Variants in NHSL1 observed in about 807,000 individuals in gnomAD.
The protein encoded by NHSL1 is NHS like 1, also known as NHS-like protein 1.
A neutral mutation model predicts 95.0 loss-of-function variants in NHSL1; 48 were observed. The observed-to-expected ratio is 0.51, with a 90% CI of 0.40 to 0.64. The LOEUF (loss-of-function observed/expected upper bound fraction) is 0.64. Among genes scored for constraint, NHSL1 ranks in the 30% least tolerant of loss-of-function variants. The pLI is 0.00. For synonymous variants in NHSL1, 783 were observed against 833.9 expected (o/e 0.94, Z 1.05); for missense variants, 1,971 against 2,077.7 (o/e 0.95, Z 1.00).
exon 1 of NHSL1, chr6:138,571,991 T>G: frequency 8.8e-7 from 1 of 1,140,376 alleles, no homozygotes; most frequent in Admixed American, 2.3e-5. Flanking sequence ...CCAGGTCCTC[T>G]CCACGAGCCT....
intron 3 of NHSL1, among the ~76,000 whole-genome samples, chr6:138,448,827 C>T (rs553790825): frequency 8.5e-5 from 13 of 152,186 alleles, no homozygotes; most frequent in African/African-American, 2.9e-4. Flanking sequence ...CCGAGGTGGG[C>T]GGATCACCTG....
At chr6:138,578,809 C>A (rs182530418) in intron 1 of NHSL1, among the ~76,000 whole-genome samples, 1 of 152,186 alleles carries the variant, frequency 6.6e-6, no homozygotes, top group Non-Finnish European at 1.5e-5. Context: ...CCTAGAAGCG[C>A]CCAAGTGATG....
At chr6:138,576,282 G>A (rs1783970946), upstream of NHSL1, among the ~76,000 whole-genome samples, 1 of 151,938 alleles carries the variant, frequency 6.6e-6, no homozygotes, top group Admixed American at 6.6e-5. Context: ...ATGACCCACC[G>A]CTCCCCGCCT....
rs577963770 is a variant in NHSL1 at position 138,427,419 on chromosome 6, G to T, written c.4085+2292C>A. Among the ~76,000 whole-genome samples, 218 of 151,456 alleles carry T rather than the reference G, an allele frequency of 1.4e-3. 1 individual carries two copies. The highest frequency in any genetic ancestry group is 4.9e-3 in the African/African-American group (203 of 41,230). On this transcript the variant is annotated intron_variant, in intron 7 of 7. Coordinates refer to ENST00000343505, the MANE Select transcript of NHSL1 (RefSeq NM_001144060.2). ...CGCGCCACTGCACTCCAGCCTGGGT[G>T]ACAGAGTGAGTGAGACTCTGTATCA...
chr6:138,564,049 CA>C (rs998468412), intron 1 of NHSL1, among the ~76,000 whole-genome samples: 23 of 151,592 alleles, frequency 1.5e-4, no homozygotes, highest in African/African-American at 5.1e-4. Flanking sequence ...ACTAATTGGT[CA>C]AAACAGCCCT....
chr6:138,584,462 T>C (rs1048588008), intron 1 of NHSL1, among the ~76,000 whole-genome samples: 11 of 152,290 alleles, frequency 7.2e-5, no homozygotes, highest in African/African-American at 2.6e-4. Context: ...CCGACAGTCA[T>C]CAAAATCCAT....
In NHSL1 at chr6:138,423,112, A is replaced by AG. The variant is rs1253780747; in HGVS notation, c.*968_*969insC. The stretch of plus-strand genomic sequence containing the variant: ...CTCTGGTTAAAAAAAAAAAAAAAAA[A>AG]AAACTGTTGTAAAAGGAAAAGCTCC... On this transcript the variant is annotated 3_prime_UTR_variant, in exon 8 of 8. Transcript: ENST00000343505. 6.6e-6 allele frequency: 1 copy of AG among 151,692 alleles called. No individual in the cohort carries two copies. The highest frequency in any genetic ancestry group is 2.4e-5 in the African/African-American group (1 of 41,340). 9.4% of individuals were successfully genotyped at this position (151,692 alleles called of 1,614,324 possible).
chr6:138,520,915 G>A (rs895475888), intron 1 of NHSL1, among the ~76,000 whole-genome samples: 8 of 152,200 alleles, frequency 5.3e-5, no homozygotes, highest in Admixed American at 4.6e-4. Context: ...TTTGGAGGTA[G>A]ATCAGTGTGA....
Position 138,423,853 on chromosome 6 carries a change from G to C in NHSL1, c.*228C>G. On this transcript the variant is annotated 3_prime_UTR_variant, in exon 8 of 8. Coordinates refer to ENST00000343505, the MANE Select transcript of NHSL1 (RefSeq NM_001144060.2). ...AAAAAAAAAAAATCTTCCCCGGGAAGCACTTTCAGAAGTTTAAGCTTCTAC... is the reference window on the plus strand; with the variant it reads ...AAAAAAAAAAAATCTTCCCCGGGAACCACTTTCAGAAGTTTAAGCTTCTAC... The C allele has an allele frequency of 3.0e-6, 1 of 336,384 alleles. No individual in the cohort carries two copies. The highest frequency in any genetic ancestry group is 5.2e-6 in the Non-Finnish European group (1 of 191,912). 20.8% of individuals were successfully genotyped at this position (336,384 alleles called of 1,614,324 possible).
intron 1 of NHSL1, among the ~76,000 whole-genome samples, chr6:138,513,958 T>C (rs1361708504): frequency 6.6e-6 from 1 of 152,194 alleles, no homozygotes; most frequent in Non-Finnish European, 1.5e-5. Flanking sequence ...CAATTCATAT[T>C]ATTTTATTAA....
intron 1 of NHSL1, among the ~76,000 whole-genome samples, chr6:138,611,849 C>T (rs1231197212): frequency 2.0e-5 from 3 of 152,118 alleles, no homozygotes; most frequent in African/African-American, 7.2e-5. Flanking sequence ...GTGTTTCATG[C>T]CTGTAATCCC....
chr6:138,599,358 A>C (rs533995225), intron 1 of NHSL1, among the ~76,000 whole-genome samples: 1 of 152,238 alleles, frequency 6.6e-6, no homozygotes, highest in East Asian at 1.9e-4. Context: ...CTAAAAGTAC[A>C]GAAATTAGCT....
rs565240784 is a variant in NHSL1, at chr6:138,603,288, G to A, written c.96+89188C>T. 4.6e-5 allele frequency among the ~76,000 whole-genome samples: 7 copies of A among 151,966 alleles called. No homozygotes were observed. The East Asian group carries it at 7.7e-4, about 17-fold the overall frequency. ...TGGTCTTGAACTCCTGAGGTCAAGC[G>A]ATCCACCCATCTCAGTCTCCCAAAG... On this transcript the variant is annotated intron_variant, in intron 1 of 3. Coordinates refer to the NHSL1 transcript ENST00000491526.
At chr6:138,689,999 A>G (rs1785640975) in intron 1 of NHSL1, among the ~76,000 whole-genome samples, 1 of 152,188 alleles carries the variant, frequency 6.6e-6, no homozygotes, top group African/African-American at 2.4e-5. Flanking sequence ...CAGGCGAGAC[A>G]ATCAGAAGGT....
intron 3 of NHSL1, among the ~76,000 whole-genome samples, chr6:138,456,249 C>T (rs942803193): frequency 1.3e-5 from 2 of 152,130 alleles, no homozygotes; most frequent in Non-Finnish European, 2.9e-5. Flanking sequence ...GGAACCTGAA[C>T]CTCACAGACG....
At position 138,537,282 on chromosome 6, in the gene NHSL1, T is replaced by C. The variant is rs149002627; in HGVS notation, c.16+8341A>G. ...ATCAGGATACTCTCACTGGCTTACA[T>C]AGCTTTCAAAATATTTGTGTTGCTA... On this transcript the variant is annotated intron_variant, in intron 1 of 4. Transcript: ENST00000342260. 3.7e-3 allele frequency among the ~76,000 whole-genome samples: 563 copies of C among 152,348 alleles called. 5 individuals carry two copies. The highest frequency in any genetic ancestry group is 0.013 in the African/African-American group (526 of 41,576).
chr6:138,655,109 G>C (rs923436972), intron 1 of NHSL1, among the ~76,000 whole-genome samples: 10 of 152,304 alleles, frequency 6.6e-5, no homozygotes, highest in African/African-American at 2.4e-4. Flanking sequence ...CTAAAACAAG[G>C]AGGGAAAGAA....
chr6:138,555,707 G>C (rs989045229), intron 1 of NHSL1, among the ~76,000 whole-genome samples: 2 of 152,182 alleles, frequency 1.3e-5, no homozygotes, highest in Non-Finnish European at 2.9e-5. Flanking sequence ...TATCTGCTTA[G>C]AAAACTTTCT....
chr6:138,501,122 T>C (rs944187495), upstream of NHSL1, among the ~76,000 whole-genome samples: 3 of 152,232 alleles, frequency 2.0e-5, no homozygotes, highest in African/African-American at 7.2e-5. Context: ...AGTGTCACCA[T>C]GCAAATGTCC....
Sources: allele counts gnomAD v4.1 joint callset (sites outside exome capture counted in the v4.1 genomes callset), GRCh38; gene constraint gnomAD v4.1.1; transcripts MANE v1.5; gene names NCBI Gene and HGNC (gene_info 2026-07-23, HGNC 2026-07-21).